Variants in TFAP2B observed in about 807,000 individuals in gnomAD.
The protein encoded by TFAP2B is transcription factor AP-2-beta.
TFAP2B carries 9 observed loss-of-function variants against 44.3 expected under a neutral mutation model. The ratio of observed to expected loss-of-function variants is 0.20; its 90% CI spans 0.12 to 0.35. The LOEUF is 0.35. Ranked by LOEUF, TFAP2B falls within the 10% of genes least tolerant of loss-of-function variation. The probability of loss-of-function intolerance (pLI) is 1.00; values close to 1 mark genes in which losing one functional copy is unlikely to be tolerated. For missense variants in TFAP2B, 509 were observed against 600.0 expected (o/e 0.85, Z 1.59); for synonymous variants, 270 against 263.8 (o/e 1.02, Z -0.23).
Position 50,840,309 on chromosome 6 carries a change from A to C in TFAP2B, c.1082+12A>C. 2 of 1,613,208 alleles carry C rather than the reference A, an allele frequency of 1.2e-6. No homozygotes were observed. On this transcript the variant is annotated intron_variant, in intron 6 of 6. Coordinates refer to ENST00000393655, the MANE Select transcript of TFAP2B (RefSeq NM_003221.4). ...CTGTTGGCCACCAAGTGAGTTTATTAGACTCTGGGCCCTCATCTCACTCCC... is the reference window on the plus strand; with the variant it reads ...CTGTTGGCCACCAAGTGAGTTTATTCGACTCTGGGCCCTCATCTCACTCCC...
At chr6:50,836,959 C>T (rs2817400) in intron 4 of TFAP2B, among the ~76,000 whole-genome samples, 2 of 152,198 alleles carry the variant, frequency 1.3e-5, no homozygotes, top group African/African-American at 4.8e-5. Context: ...GACTCCTCCT[C>T]GTGGAAATGT....
intron 2 of TFAP2B, among the ~76,000 whole-genome samples, chr6:50,826,967 G>A (rs906250719): frequency 7.2e-5 from 11 of 152,176 alleles, no homozygotes; most frequent in African/African-American, 2.7e-4. Context: ...ACGATTAAGC[G>A]CCAGCATGCT....
At chr6:50,828,028 G>A (rs1326409052) in intron 2 of TFAP2B, among the ~76,000 whole-genome samples, 1 of 152,144 alleles carries the variant, frequency 6.6e-6, no homozygotes, top group Non-Finnish European at 1.5e-5. Context: ...AATTGTGAAG[G>A]TTCCTCCAAG....
chr6:50,818,828 AATTATAG>A, upstream of TFAP2B: 1 of 1,509,832 alleles, frequency 6.6e-7, no homozygotes, highest in Non-Finnish European at 9.2e-7. Context: ...CCCCATTTCC[AATTATAG>A]ATGGATCATT....
At chr6:50,821,853 G>A (rs1770357590) in intron 1 of TFAP2B, 2 of 287,446 alleles carry the variant, frequency 7.0e-6, no homozygotes, top group Non-Finnish European at 1.4e-5. Flanking sequence ...GCCCAGCTTC[G>A]GGTGAAAGAG....
intron 1 of TFAP2B, among the ~76,000 whole-genome samples, chr6:50,819,962 G>T (rs1037143164): frequency 1.3e-5 from 2 of 152,156 alleles, no homozygotes; most frequent in Non-Finnish European, 2.9e-5. Flanking sequence ...AAGCGGAATG[G>T]TCTGGGACAG....
At chr6:50,821,681 A>G (rs1417553563) in intron 1 of TFAP2B, 1 of 157,520 alleles carries the variant, frequency 6.3e-6, no homozygotes, top group Non-Finnish European at 1.4e-5. Flanking sequence ...AATGAACGTC[A>G]TTTACAATAG....
rs1204774346 is a variant in TFAP2B, at chr6:50,845,922, G to T, written c.*2530G>T. 4.6e-5 allele frequency: 7 copies of T among 152,674 alleles called. No homozygotes were observed. The highest frequency in any genetic ancestry group is 1.7e-4 in the African/African-American group (7 of 41,448). The allele number at this position is 152,674 out of a possible 1,614,324, so 9.5% of individuals were successfully genotyped here. On this transcript the variant is annotated 3_prime_UTR_variant, in exon 7 of 7. Transcript: ENST00000393655. ...GCCCCATTCTCCAGTAGGTAATGGG[G>T]CGGCGCCCGGTGGGCTGCAGGTGGG...
chr6:50,821,888 C>T (rs951479492), intron 1 of TFAP2B: 9 of 296,432 alleles, frequency 3.0e-5, no homozygotes, highest in South Asian at 6.0e-5. Flanking sequence ...CCCCGAAGAA[C>T]GGCAGAAGAA....
chr6:50,840,107 T>C lies in TFAP2B; in HGVS notation c.941-49T>C, dbSNP rs771146792. ...ACAAGGGAATGTCTCCGCCCTGGGATATTTAGGGCCTGGGTGCTGATTATT... is the reference window on the plus strand; with the variant it reads ...ACAAGGGAATGTCTCCGCCCTGGGACATTTAGGGCCTGGGTGCTGATTATT... On this transcript the variant is annotated intron_variant, in intron 5 of 6. Transcript: ENST00000393655. The C allele has an allele frequency of 5.0e-6, 8 of 1,608,634 alleles. No homozygotes were observed. In the South Asian group the frequency reaches 6.6e-5, roughly 13 times the overall value.
At chr6:50,823,978 C>T (rs1770435203) in intron 2 of TFAP2B, 113 bp downstream of exon 2, 1 of 1,196,106 alleles carries the variant, frequency 8.4e-7, no homozygotes, top group African/African-American at 1.5e-5. Flanking sequence ...AGTTTGTTCC[C>T]ATGTTTAGAA....
intron 3 of TFAP2B, among the ~76,000 whole-genome samples, chr6:50,834,972 A>G (rs1296037908): frequency 2.0e-5 from 3 of 152,214 alleles, no homozygotes; most frequent in East Asian, 3.9e-4. Context: ...AGTCCAAGGG[A>G]AAATACTGCC....
Position 50,843,273 on chromosome 6 carries a change from A to T in TFAP2B, c.1264A>T (p.Thr422Ser). 6.2e-7 allele frequency: 1 copy of T among 1,613,926 alleles called. No individual in the cohort carries two copies. Among genetic ancestry groups the T allele is most frequent in the South Asian group, 1.1e-5 (1 of 91,068 alleles). Residue 422 changes from threonine to serine, a missense_variant, in exon 7 of 7, where the codon ACC becomes TCC. By Grantham distance (58) the Thr-to-Ser change is moderately conservative. Coordinates refer to ENST00000393655, the MANE Select transcript of TFAP2B (RefSeq NM_003221.4). ...GCTCACGGCCCTGCAGAACTATCTC[A>T]CCGAGGCGCTCAAAGGCATGGACAA... The part of the protein sequence containing the change: ...AALTALQNYL[T>S]EALKGMDKMF...
chr6:50,835,445 A>G (rs1456895671), intron 3 of TFAP2B, among the ~76,000 whole-genome samples: 1 of 152,208 alleles, frequency 6.6e-6, no homozygotes, highest in African/African-American at 2.4e-5. Context: ...AGAGATGAGC[A>G]GCTGTTTTGG....
At position 50,840,185 on chromosome 6, in the gene TFAP2B, G is replaced by T; in HGVS notation, c.970G>T (p.Gly324Trp). ...AGCTGTTCACTTAGCTAGGGATTTTGGGTACATTTGCGAAACGGAGTTTCC... is the reference window on the plus strand; with the variant it reads ...AGCTGTTCACTTAGCTAGGGATTTTTGGTACATTTGCGAAACGGAGTTTCC... ...GEAVHLARDF[G>W]YICETEFPAK... The change falls in exon 6 of 7, where the codon GGG becomes TGG. Residue 324 changes from glycine (G) to tryptophan (W), a missense_variant. Gly to Trp is a radical substitution (Grantham distance 184). Coordinates refer to ENST00000393655, the MANE Select transcript of TFAP2B (RefSeq NM_003221.4). The T allele has an allele frequency of 6.2e-7, 1 of 1,614,092 alleles. No homozygotes were observed. The highest frequency in any genetic ancestry group is 8.5e-7 in the Non-Finnish European group (1 of 1,180,028).
chr6:50,820,398 C>A (rs1229786141), intron 1 of TFAP2B, among the ~76,000 whole-genome samples: 2 of 152,234 alleles, frequency 1.3e-5, no homozygotes, highest in African/African-American at 2.4e-5. Context: ...CCTGCCCCCC[C>A]CCGAATCCTA....
chr6:50,834,077 C>T (rs1389383298), intron 3 of TFAP2B, among the ~76,000 whole-genome samples: 3 of 152,030 alleles, frequency 2.0e-5, no homozygotes, highest in Non-Finnish European at 4.4e-5. Context: ...TTTTTAATGC[C>T]TTCACTATGA....
rs2113964635 is a variant in TFAP2B at position 50,845,231 on chromosome 6, T to C, written c.*1839T>C. 1 of 152,248 alleles carries C rather than the reference T, an allele frequency of 6.6e-6. No individual in the cohort carries two copies. Among genetic ancestry groups the C allele is most frequent in the Non-Finnish European group, 1.5e-5 (1 of 68,024 alleles). 9.4% of individuals were successfully genotyped at this position (152,248 alleles called of 1,614,324 possible). A position where few individuals can be genotyped will look rare whatever the true frequency, so the allele number is the denominator to read the frequency against. On this transcript the variant is annotated 3_prime_UTR_variant, in exon 7 of 7. Transcript: ENST00000393655. Reference sequence around the variant, plus strand: ...TACCCCTTAAAGATAACGACATAGATGTTGTTCTGCAGGATTTATAGTTAG... The same window carrying C: ...TACCCCTTAAAGATAACGACATAGACGTTGTTCTGCAGGATTTATAGTTAG...
chr6:50,831,372 A>G (rs1019892496), intron 3 of TFAP2B, among the ~76,000 whole-genome samples: 5 of 152,158 alleles, frequency 3.3e-5, no homozygotes, highest in African/African-American at 1.2e-4. Context: ...TATTAATGCA[A>G]TCTGCAGGGA....
Sources: allele counts gnomAD v4.1 joint callset (sites outside exome capture counted in the v4.1 genomes callset), GRCh38; gene constraint gnomAD v4.1.1; transcripts MANE v1.5; gene names NCBI Gene and HGNC (gene_info 2026-07-23, HGNC 2026-07-21).